DNMT3A: variants seen among roughly 807,000 people sequenced by gnomAD.
DNMT3A encodes DNA (cytosine-5)-methyltransferase 3A.
A neutral mutation model predicts 117.6 loss-of-function variants in DNMT3A; 267 were observed. The ratio of observed to expected loss-of-function variants is 2.27; its 90% CI spans 2.05 to 2.51. DNMT3A has a LOEUF of 2.51. Among genes scored for constraint, DNMT3A ranks in the 30% most tolerant of loss-of-function variants. The pLI is 0.00. For synonymous variants in DNMT3A, 432 were observed against 474.8 expected, an observed-to-expected ratio of 0.91 and a Z score of 1.17; for missense variants, 1,029 against 1,260.2, an observed-to-expected ratio of 0.82 and a Z score of 2.78.
intron 4 of DNMT3A, among the ~76,000 whole-genome samples, chr2:25,278,811 G>C (rs530098014): frequency 5.3e-5 from 8 of 151,814 alleles, no homozygotes; most frequent in Non-Finnish European, 1.0e-4. Flanking sequence ...GAGCGACAGA[G>C]TGAATGAGAC....
rs1221898722 is a variant in DNMT3A at position 25,236,735 on chromosome 2, C to A, written c.2478+201G>T. 6.6e-6 allele frequency among the ~76,000 whole-genome samples: 1 copy of A among 152,232 alleles called. No homozygotes were observed. Among genetic ancestry groups the A allele is most frequent in the East Asian group, 1.9e-4 (1 of 5,192 alleles). ...TCTACCGGGGGTGATGGGCGACACT[C>A]ACCAGGGAGGAAGGGCTGAAGGCCA... On this transcript the variant is annotated intron_variant, in intron 21 of 22. Transcript: ENST00000321117. The surrounding 1 kb of genome is among the most constrained non-coding windows in gnomAD (Gnocchi z 4.5).
chr2:25,268,340 G>A (rs2030554035), intron 6 of DNMT3A, among the ~76,000 whole-genome samples: 2 of 152,158 alleles, frequency 1.3e-5, no homozygotes, highest in African/African-American at 2.4e-5. Flanking sequence ...ATTAATGAGC[G>A]AGTCATGCCA....
intron 16 of DNMT3A, chr2:25,241,948 C>T (rs532177783): frequency 1.9e-5 from 10 of 537,062 alleles, no homozygotes; most frequent in African/African-American, 1.6e-4. Context: ...CTGCAGAAAA[C>T]TGACCGGAGA....
chr2:25,259,336 T>TA (rs907536935), intron 6 of DNMT3A, among the ~76,000 whole-genome samples: 1 of 152,160 alleles, frequency 6.6e-6, no homozygotes, highest in Non-Finnish European at 1.5e-5. Flanking sequence ...ACCCCACTGA[T>TA]ACCGGATCTC....
rs2033695527 is a variant in DNMT3A at position 25,304,712 on chromosome 2, C to T, written c.73-4469G>A. ...GGCGGTCCCCAGGATTTGGCTGGATCGCCTTGGTCTCTTCTCCACACTGTG... is the reference window on the plus strand; with the variant it reads ...GGCGGTCCCCAGGATTTGGCTGGATTGCCTTGGTCTCTTCTCCACACTGTG... On this transcript the variant is annotated intron_variant, in intron 2 of 22. Coordinates refer to ENST00000321117, the MANE Select transcript of DNMT3A (RefSeq NM_022552.5). The surrounding 1 kb of genome is among the most constrained non-coding windows in gnomAD (Gnocchi z 4.3). Among the ~76,000 whole-genome samples, 1 of 152,248 alleles carries T rather than the reference C, an allele frequency of 6.6e-6. No homozygotes were observed. Among genetic ancestry groups the T allele is most frequent in the South Asian group, 2.1e-4 (1 of 4,836 alleles).
In DNMT3A at chr2:25,230,816, C is replaced by G. The variant is rs1358669246; in HGVS notation, c.*3463G>C. The stretch of plus-strand genomic sequence containing the variant: ...GGGGGGGGGGGGGGGGGCCATGACC[C>G]CTGGGGCATCTGGTCCATTCTAGGG... On this transcript the variant is annotated 3_prime_UTR_variant, in exon 23 of 23. Transcript: ENST00000321117. 6.8e-6 allele frequency: 1 copy of G among 147,856 alleles called. No homozygotes were observed. The highest frequency in any genetic ancestry group is 2.6e-5 in the African/African-American group (1 of 38,860). The allele number at this position is 147,856 out of a possible 1,614,324, so 9.2% of individuals were successfully genotyped here. A position where few individuals can be genotyped will look rare whatever the true frequency, so the allele number is the denominator to read the frequency against.
intron 6 of DNMT3A, among the ~76,000 whole-genome samples, chr2:25,251,621 T>G (rs1675572907): frequency 6.6e-6 from 1 of 152,194 alleles, no homozygotes; most frequent in Non-Finnish European, 1.5e-5. Context: ...CCATGCGGCC[T>G]TGGGCTACCC....
intron 13 of DNMT3A, 42 bp from the exon 14 acceptor site, chr2:25,244,694 C>CCCAGGACGG (rs1674529097): frequency 6.4e-7 from 1 of 1,570,772 alleles, no homozygotes; most frequent in Non-Finnish European, 8.8e-7. Flanking sequence ...CAGGACGGGT[C>CCCAGGACGG]CCAGGACGGC....
In DNMT3A at chr2:25,289,600, G is replaced by C. The variant is rs144447062; in HGVS notation, c.178-6889C>G. 2.3e-3 allele frequency among the ~76,000 whole-genome samples: 355 copies of C among 152,300 alleles called. 1 individual carries two copies. Among genetic ancestry groups the C allele is most frequent in the African/African-American group, 8.0e-3 (333 of 41,558 alleles). On this transcript the variant is annotated intron_variant, in intron 3 of 22. Transcript: ENST00000321117. ...AAGCTTCCAGGATGGCTCAGGTACA[G>C]GCGAGGCATTTGAAGGCCGACTCCC...
chr2:25,311,618 C>T lies in DNMT3A; in HGVS notation c.72+2295G>A, dbSNP rs1167384628. On this transcript the variant is annotated intron_variant, in intron 2 of 22. Coordinates refer to ENST00000321117, the MANE Select transcript of DNMT3A (RefSeq NM_022552.5). This position sits in a 1 kb window ranked among gnomAD's most constrained non-coding sequence, Gnocchi z 5.2. ...TCTAGGGCTGGGTGTGTGTTTGTTGCCGCTTGAGCCAGAGCAGTTACTATG... is the reference window on the plus strand; with the variant it reads ...TCTAGGGCTGGGTGTGTGTTTGTTGTCGCTTGAGCCAGAGCAGTTACTATG... Among the ~76,000 whole-genome samples, 1 of 152,170 alleles carries T rather than the reference C, an allele frequency of 6.6e-6. No individual in the cohort carries two copies. Among genetic ancestry groups the T allele is most frequent in the Non-Finnish European group, 1.5e-5 (1 of 68,028 alleles).
Position 25,248,187 on chromosome 2 carries a change from C to A in DNMT3A, c.705G>T (p.Glu235Asp). ...NAVEENQGPG[E>D]SQKVEEASPP... ...GGCTGGCCTCCTCCACCTTCTGAGA[C>A]TCCCCGGGCCCCTGGTTTTCTTCCA... is the stretch of plus-strand genomic sequence containing the variant. The change falls in exon 7 of 23, where the codon GAG (glutamate) becomes GAT (aspartate). Residue 235 changes from glutamate to aspartate, a missense_variant. Glu to Asp is a conservative substitution (Grantham distance 45). Coordinates refer to ENST00000321117, the MANE Select transcript of DNMT3A (RefSeq NM_022552.5). 1 of 1,613,548 alleles carries A rather than the reference C, an allele frequency of 6.2e-7. No individual in the cohort carries two copies. Among genetic ancestry groups the A allele is most frequent in the African/African-American group, 1.3e-5 (1 of 74,996 alleles).
chr2:25,341,213 C>CG (rs1287881176), intron 1 of DNMT3A, among the ~76,000 whole-genome samples: 1 of 144,618 alleles, frequency 6.9e-6, no homozygotes, highest in Admixed American at 6.8e-5. Context: ...GGCCGGGCGC[C>CG]GGGGGGAGGG....
chr2:25,245,923 G>T (rs753322236), intron 12 of DNMT3A, 97 bp downstream of exon 12: 288 of 1,475,182 alleles, frequency 2.0e-4, no homozygotes, highest in Non-Finnish European at 2.7e-4. Context: ...GCAGGACGTG[G>T]CCCCTGGTCC....
rs982248765 is a variant in DNMT3A, at chr2:25,286,767, C to T, written c.178-4056G>A. Among the ~76,000 whole-genome samples the T allele has an allele frequency of 6.6e-6, 1 of 152,212 alleles. No individual in the cohort carries two copies. The highest frequency in any genetic ancestry group is 1.5e-5 in the Non-Finnish European group (1 of 68,034). Reference sequence around the variant, plus strand: ...GCTGGGTGCTCACTGAAGGAGCCATCCCTGGTGAGAAGGGCAGAAACCTCA... The same window carrying T: ...GCTGGGTGCTCACTGAAGGAGCCATTCCTGGTGAGAAGGGCAGAAACCTCA... On this transcript the variant is annotated intron_variant, in intron 3 of 22. Coordinates refer to ENST00000321117, the MANE Select transcript of DNMT3A (RefSeq NM_022552.5). This position sits in a 1 kb window ranked among gnomAD's most constrained non-coding sequence, Gnocchi z 4.3.
At chr2:25,243,298 C>CAAAA (rs557193872) in intron 16 of DNMT3A, among the ~76,000 whole-genome samples, 1 of 69,276 alleles carries the variant, frequency 1.4e-5, no homozygotes, top group Non-Finnish European at 3.0e-5. Context: ...GACTCCGTCT[C>CAAAA]AAAAAAAAAA....
Position 25,252,901 on chromosome 2 carries a change from G to T in DNMT3A, c.640-4649C>A, listed in dbSNP as rs1462823267. On this transcript the variant is annotated intron_variant, in intron 6 of 22. Transcript: ENST00000321117. This position sits in a 1 kb window ranked among gnomAD's most constrained non-coding sequence, Gnocchi z 5.5. Reference sequence around the variant, plus strand: ...CTCCAGATCGGGGATTGTTTGGGGGGTCTCCCGCCTCCACACTACAGGTGA... The same window carrying T: ...CTCCAGATCGGGGATTGTTTGGGGGTTCTCCCGCCTCCACACTACAGGTGA... Among the ~76,000 whole-genome samples, 1 of 152,118 alleles carries T rather than the reference G, an allele frequency of 6.6e-6. No individual in the cohort carries two copies. The highest frequency in any genetic ancestry group is 6.5e-5 in the Admixed American group (1 of 15,274).
chr2:25,287,750 T>C (rs2032425522), intron 3 of DNMT3A, among the ~76,000 whole-genome samples: 1 of 148,848 alleles, frequency 6.7e-6, no homozygotes, highest in Admixed American at 6.7e-5. Context: ...CAACAGAGAT[T>C]TAGTCCAGAC....
At chr2:25,318,149 G>A (rs1272306854) in intron 1 of DNMT3A, among the ~76,000 whole-genome samples, 3 of 152,242 alleles carry the variant, frequency 2.0e-5, no homozygotes, top group Non-Finnish European at 4.4e-5. Context: ...ATGAGTCTAA[G>A]AGGAAAGGTT....
intron 3 of DNMT3A, among the ~76,000 whole-genome samples, chr2:25,289,166 G>T (rs1290201587): frequency 6.6e-6 from 1 of 150,816 alleles, no homozygotes; most frequent in Non-Finnish European, 1.5e-5. Flanking sequence ...GCAGTGGCGC[G>T]ATCTCGGCTC....
Sources: allele counts gnomAD v4.1 joint callset (sites outside exome capture counted in the v4.1 genomes callset), GRCh38; gene constraint gnomAD v4.1.1; non-coding constraint Gnocchi (gnomAD v3.1); transcripts MANE v1.5; gene names NCBI Gene and HGNC (gene_info 2026-07-23, HGNC 2026-07-21).